The following GPC3 variants were observed in gnomAD, a reference collection of about 807,000 sequenced individuals.
GPC3 encodes the protein glypican 3.
Under a neutral mutation model 34.4 loss-of-function variants are expected in GPC3, and 3 were observed. That is an observed-to-expected ratio of 0.09 (90% CI 0.04 to 0.23). The LOEUF (loss-of-function observed/expected upper bound fraction) is 0.23. Ranked by LOEUF, GPC3 falls within the 10% of genes least tolerant of loss-of-function variation. GPC3 has a pLI of 1.00. For missense variants in GPC3, 351 were observed against 445.6 expected (o/e 0.79, Z 1.91); for synonymous variants, 177 against 174.0 (o/e 1.02, Z -0.13).
intron 2 of GPC3, among the ~76,000 whole-genome samples, chrX:133,773,906 C>A (rs777377285): frequency 9.0e-5 from 10 of 111,716 alleles, no homozygotes; most frequent in Admixed American, 2.9e-4. Context: ...TGTTAAGTTC[C>A]CTTCAAGCAT....
chrX:133,918,630 T>C (rs985854874), intron 2 of GPC3, among the ~76,000 whole-genome samples: 16 of 112,078 alleles, frequency 1.4e-4, no homozygotes, highest in African/African-American at 4.9e-4. Flanking sequence ...CCCAACTTGA[T>C]CCTTTCGTGC....
intron 2 of GPC3, 73 bp from the exon 3 acceptor site, chrX:133,754,249 AT>A (rs1411450439): frequency 1.3e-6 from 1 of 782,970 alleles, no homozygotes; most frequent in Non-Finnish European, 1.9e-6. Flanking sequence ...GTGAAAATGA[AT>A]TTGAGACTTC....
chrX:133,605,121 G>A (rs2070032494), intron 6 of GPC3, among the ~76,000 whole-genome samples: 1 of 108,966 alleles, frequency 9.2e-6, no homozygotes, highest in Non-Finnish European at 1.9e-5. Flanking sequence ...GATAAAGCCA[G>A]AACCCAAATG....
At chrX:133,758,181 C>T (rs1344730989) in intron 2 of GPC3, among the ~76,000 whole-genome samples, 1 of 111,520 alleles carries the variant, frequency 9.0e-6, no homozygotes, top group Non-Finnish European at 1.9e-5. Flanking sequence ...CTATTTGACC[C>T]AGCAATCCTA....
At chrX:133,910,776 CT>C (rs953045589) in intron 2 of GPC3, among the ~76,000 whole-genome samples, 1 of 112,045 alleles carries the variant, frequency 8.9e-6, no homozygotes, top group African/African-American at 3.2e-5. Context: ...AATTACTTTT[CT>C]CTGAGGAGCA....
rs773905245 is a variant in GPC3, at chrX:133,667,213, A to T, written c.1293-5363T>A. Reference sequence around the variant, plus strand: ...CTTTATTTTTGTGGTGAGAACATTTAAGAACTACTCTTTTAGTGAATCTGA... The same window carrying T: ...CTTTATTTTTGTGGTGAGAACATTTTAGAACTACTCTTTTAGTGAATCTGA... On this transcript the variant is annotated intron_variant, in intron 5 of 7. Transcript: ENST00000370818. 1.8e-5 allele frequency among the ~76,000 whole-genome samples: 2 copies of T among 112,257 alleles called. 1 individual carries two copies. Among genetic ancestry groups the T allele is most frequent in the South Asian group, 7.4e-4 (2 of 2,703 alleles).
intron 7 of GPC3, among the ~76,000 whole-genome samples, chrX:133,589,306 C>G (rs1344829267): frequency 9.0e-6 from 1 of 111,622 alleles, no homozygotes; most frequent in Non-Finnish European, 1.9e-5. Context: ...ATCATGGTGG[C>G]AGTTTCCCCC....
intron 2 of GPC3, among the ~76,000 whole-genome samples, chrX:133,794,869 T>A (rs921225460): frequency 1.8e-5 from 2 of 112,512 alleles, no homozygotes; most frequent in Non-Finnish European, 3.8e-5. Context: ...TGTTTTTGTA[T>A]TGGCTCCAAT....
Position 133,963,272 on chromosome X carries a change from G to T in GPC3, c.176-10061C>A, listed in dbSNP as rs149723125. Among the ~76,000 whole-genome samples the T allele has an allele frequency of 8.0e-3, 890 of 111,594 alleles. 15 individuals carry two copies. The highest frequency in any genetic ancestry group is 0.028 in the African/African-American group (854 of 30,705). The stretch of plus-strand genomic sequence containing the variant: ...AATGGCAGATATCCTCCTGATGGAT[G>T]GCATGCAGTGGCAAAGGGAAAAACT... On this transcript the variant is annotated intron_variant, in intron 1 of 7. Coordinates refer to ENST00000370818, the MANE Select transcript of GPC3 (RefSeq NM_004484.4).
At chrX:133,818,098 G>A (rs1320451687) in intron 2 of GPC3, among the ~76,000 whole-genome samples, 9 of 111,254 alleles carry the variant, frequency 8.1e-5, no homozygotes, top group Non-Finnish European at 1.5e-4. Flanking sequence ...TATAAATGAC[G>A]GCACCATATC....
At chrX:133,820,437 T>C (rs775233632) in intron 2 of GPC3, among the ~76,000 whole-genome samples, 2 of 111,524 alleles carry the variant, frequency 1.8e-5, no homozygotes, top group African/African-American at 6.5e-5. Context: ...CAATCAGAAA[T>C]GGGATGCTTT....
chrX:133,665,801 C>T (rs1412646294), intron 5 of GPC3, among the ~76,000 whole-genome samples: 2 of 111,675 alleles, frequency 1.8e-5, no homozygotes, highest in East Asian at 2.8e-4. Flanking sequence ...TATCATTCAT[C>T]TTCTGATGAT....
chrX:133,739,967 T>G (rs768385895), intron 3 of GPC3, among the ~76,000 whole-genome samples: 5 of 112,355 alleles, frequency 4.5e-5, no homozygotes, highest in African/African-American at 6.5e-5. Context: ...CAACCTTTTC[T>G]TCCTCTGCTC....
At chrX:133,654,240 C>T (rs1037644460) in intron 6 of GPC3, among the ~76,000 whole-genome samples, 1 of 110,837 alleles carries the variant, frequency 9.0e-6, no homozygotes, top group Admixed American at 9.6e-5. Flanking sequence ...ATGTGTGATT[C>T]CACACTTAGG....
At chrX:133,537,306 C>T (rs1325539382) in intron 7 of GPC3, among the ~76,000 whole-genome samples, 2 of 111,940 alleles carry the variant, frequency 1.8e-5, no homozygotes, top group African/African-American at 6.5e-5. Flanking sequence ...AGCAACTTCA[C>T]CAGCCAACTG....
chrX:133,697,993 G>A (rs1443961922), intron 4 of GPC3, among the ~76,000 whole-genome samples: 2 of 112,371 alleles, frequency 1.8e-5, no homozygotes, highest in South Asian at 3.7e-4. Flanking sequence ...CACAAGGGTG[G>A]AGGGAACTGT....
intron 6 of GPC3, among the ~76,000 whole-genome samples, chrX:133,645,637 A>G (rs1224059756): frequency 9.0e-6 from 1 of 111,595 alleles, no homozygotes; most frequent in Non-Finnish European, 1.9e-5. Flanking sequence ...CATAGCAAAC[A>G]TGGTGTTCTT....
At chrX:133,723,933 T>C (rs965146072) in intron 3 of GPC3, among the ~76,000 whole-genome samples, 2 of 112,577 alleles carry the variant, frequency 1.8e-5, no homozygotes, top group Non-Finnish European at 1.9e-5. Context: ...GTTTTATTGC[T>C]GTGCAGAAGG....
chrX:133,818,311 C>T (rs1162446432), intron 2 of GPC3, among the ~76,000 whole-genome samples: 2 of 111,713 alleles, frequency 1.8e-5, no homozygotes, highest in Non-Finnish European at 3.8e-5. Flanking sequence ...GAAGAACATG[C>T]ACAGGGATGT....
Sources: gnomAD v4.1 joint callset for allele counts (sites outside exome capture counted in the v4.1 genomes callset) on GRCh38, gnomAD v4.1.1 for gene constraint, MANE v1.5 for transcripts, NCBI Gene and HGNC (gene_info 2026-07-23, HGNC 2026-07-21) for gene names.